The following ATG16L1 variants were observed in gnomAD, a reference collection of about 807,000 sequenced individuals.
ATG16L1 encodes autophagy-related protein 16-1.
In ATG16L1, 37 loss-of-function variants were observed where a neutral mutation model predicts 88.5. The observed-to-expected ratio is 0.42, with a 90% CI of 0.32 to 0.55. The LOEUF is 0.55. Among genes scored for constraint, ATG16L1 ranks in the 20% least tolerant of loss-of-function variants. The pLI, the probability that ATG16L1 is intolerant of heterozygous loss-of-function variation, is 0.13. For synonymous variants in ATG16L1, 301 were observed against 281.0 expected (o/e 1.07, Z -0.71); for missense variants, 554 against 752.8 (o/e 0.74, Z 3.09).
chr2:233,292,492 AT>A, intron 16 of ATG16L1, 58 bp downstream of exon 16: 1 of 1,606,736 alleles, frequency 6.2e-7, no homozygotes. Flanking sequence ...CTGCATGGGC[AT>A]TTTCCCACTG....
At chr2:233,274,020 ATTC>A (rs551897739) in intron 8 of ATG16L1, 87 of 1,550,568 alleles carry the variant, frequency 5.6e-5, no homozygotes, top group Non-Finnish European at 6.8e-5. Context: ...TTGGGACATC[ATTC>A]TTCTTCTGAT....
At chr2:233,287,287 G>A (rs1294903501) in intron 12 of ATG16L1, among the ~76,000 whole-genome samples, 1 of 152,208 alleles carries the variant, frequency 6.6e-6, no homozygotes, top group Non-Finnish European at 1.5e-5. Flanking sequence ...GCTTAAAAGA[G>A]TAATGGATAA....
chr2:233,289,680 C>T (rs993478470), intron 12 of ATG16L1, among the ~76,000 whole-genome samples, 174 bp from the exon 13 acceptor site: 1 of 152,202 alleles, frequency 6.6e-6, no homozygotes, highest in African/African-American at 2.4e-5. Context: ...GCGTGAGTCA[C>T]TGTGCCTGAC....
chr2:233,263,286 G>C (rs770632538), intron 3 of ATG16L1, 51 bp downstream of exon 3: 1 of 1,538,872 alleles, frequency 6.5e-7, no homozygotes, highest in Non-Finnish European at 8.9e-7. Context: ...TGAGAGTCCT[G>C]TGGGGAGCGG....
Position 233,277,600 on chromosome 2 carries a change from G to T in ATG16L1, c.987G>T (p.Gln329His), listed in dbSNP as rs746275841. The change falls in exon 10 of 18, where the codon CAG (glutamine) becomes CAT (histidine). Residue 329 changes from glutamine to histidine, a missense_variant. By Grantham distance (24) the Gln-to-His change is conservative. Transcript: ENST00000392017. Reference protein sequence around the residue: ...DAHDGEVNAVQFSPGSRLLAT... With the variant: ...DAHDGEVNAVHFSPGSRLLAT... ...ATGATGGGGAAGTCAACGCTGTGCA[G>T]TTCAGTCCAGGTTCCCGGTTACTGG... 3.1e-6 allele frequency: 5 copies of T among 1,614,120 alleles called. No homozygotes were observed. The Admixed American group carries it at 8.3e-5, about 27-fold the overall frequency.
intron 6 of ATG16L1, among the ~76,000 whole-genome samples, chr2:233,271,889 C>T (rs12105072): frequency 0.02 from 3,097 of 152,232 alleles, 122 homozygotes; most frequent in African/African-American, 0.071. Context: ...CTTTTTCTTT[C>T]GACCTGCCTT....
intron 15 of ATG16L1, 52 bp from the exon 16 acceptor site, chr2:233,292,335 G>T: frequency 6.2e-7 from 1 of 1,614,150 alleles, no homozygotes; most frequent in Non-Finnish European, 8.5e-7. Flanking sequence ...CTCTCTTAAC[G>T]TGCTGCGTGG....
At chr2:233,289,645 G>T (rs1699326489) in intron 12 of ATG16L1, among the ~76,000 whole-genome samples, 1 of 152,156 alleles carries the variant, frequency 6.6e-6, no homozygotes, top group Non-Finnish European at 1.5e-5. Flanking sequence ...TCACACCTTG[G>T]CCTCCCAGTG....
intron 10 of ATG16L1, among the ~76,000 whole-genome samples, chr2:233,279,051 A>G (rs1698556597): frequency 6.6e-6 from 1 of 152,174 alleles, no homozygotes; most frequent in Non-Finnish European, 1.5e-5. Context: ...GTTGGCATGC[A>G]CTTGCAGTCC....
intron 12 of ATG16L1, among the ~76,000 whole-genome samples, chr2:233,285,434 T>A (rs920027184): frequency 2.0e-5 from 3 of 152,130 alleles, no homozygotes; most frequent in African/African-American, 7.2e-5. Context: ...CAGATGAAGG[T>A]CATAACATTG....
chr2:233,266,758 A>C (rs1697620607), intron 5 of ATG16L1, among the ~76,000 whole-genome samples: 1 of 152,242 alleles, frequency 6.6e-6, no homozygotes, highest in African/African-American at 2.4e-5. Context: ...ATGGATAAAG[A>C]AAATGTGCTG....
Position 233,292,219 on chromosome 2 carries a change from C to T in ATG16L1, c.1522C>T (p.Arg508Cys), listed in dbSNP as rs1053953803. Reference sequence around the variant, plus strand: ...AAGGACTGAGCTCCTGAGCTGCTCCCGTGATGACTTGCTAAAAGTTATTGA... The same window carrying T: ...AAGGACTGAGCTCCTGAGCTGCTCCTGTGATGACTTGCTAAAAGTTATTGA... Reference protein sequence around the residue: ...PERTELLSCSRDDLLKVIDLR... With the variant: ...PERTELLSCSCDDLLKVIDLR... The change falls in exon 15 of 18, where the codon CGT (arginine) becomes TGT (cysteine). Residue 508 changes from arginine (R) to cysteine (C), a missense_variant. Physicochemically the swap from Arg to Cys is radical, Grantham distance 180. Coordinates refer to ENST00000392017, the MANE Select transcript of ATG16L1 (RefSeq NM_030803.7). 5 of 1,614,214 alleles carry T rather than the reference C, an allele frequency of 3.1e-6. No individual in the cohort carries two copies. The highest frequency in any genetic ancestry group is 1.3e-5 in the African/African-American group (1 of 75,058).
intron 9 of ATG16L1, chr2:233,275,901 C>T (rs1220779700): frequency 1.9e-6 from 1 of 519,194 alleles, no homozygotes; most frequent in Admixed American, 1.9e-5. Flanking sequence ...GAGTGATCGG[C>T]TCACAGCTGA....
chr2:233,263,124 A>G lies in ATG16L1; in HGVS notation c.210-6A>G, dbSNP rs749849942. On this transcript the variant is annotated splice_region_variant and splice_polypyrimidine_tract_variant and intron_variant, in intron 2 of 17. Transcript: ENST00000392017. The stretch of plus-strand genomic sequence containing the variant: ...TTCTCTTCATCTGCCTGGTTTGCCA[A>G]TTTAGTCCCGGACATGATGGCACAT... The G allele has an allele frequency of 3.7e-6, 6 of 1,613,680 alleles. No individual in the cohort carries two copies. The highest frequency in any genetic ancestry group is 1.1e-5 in the South Asian group (1 of 91,028).
chr2:233,269,947 C>T lies in ATG16L1; in HGVS notation c.642-55C>T, dbSNP rs142074657. ...GGTGGCTTCTAGAGAGCCCAAACCC[C>T]GTGCTTTCTTAAGCAGACATAAATG... On this transcript the variant is annotated intron_variant, in intron 5 of 17. Transcript: ENST00000392017. 5.4e-3 allele frequency: 8,348 copies of T among 1,540,486 alleles called. 23 individuals carry two copies. Among genetic ancestry groups the T allele is most frequent in the Non-Finnish European group, 6.6e-3 (7,583 of 1,150,044 alleles).
intron 10 of ATG16L1, 39 bp from the exon 11 acceptor site, chr2:233,281,066 T>C (rs1698688602): frequency 7.1e-7 from 1 of 1,399,948 alleles, no homozygotes; most frequent in East Asian, 2.3e-5. Context: ...ATTGGCTTTA[T>C]TTAACTTCCC....
chr2:233,282,286 G>C (rs1164818185), intron 11 of ATG16L1, among the ~76,000 whole-genome samples: 2 of 152,156 alleles, frequency 1.3e-5, no homozygotes, highest in Non-Finnish European at 2.9e-5. Flanking sequence ...AGAGGACCAG[G>C]CTCGACACAT....
At chr2:233,279,013 A>G (rs963997296) in intron 10 of ATG16L1, among the ~76,000 whole-genome samples, 10 of 152,124 alleles carry the variant, frequency 6.6e-5, no homozygotes, top group African/African-American at 2.4e-4. Context: ...TGCCTCTACA[A>G]AAAAAATATT....
intron 12 of ATG16L1, among the ~76,000 whole-genome samples, chr2:233,286,610 A>AG (rs1699093423): frequency 7.1e-6 from 1 of 141,182 alleles, no homozygotes; most frequent in African/African-American, 2.7e-5. Flanking sequence ...TAAGGTGAGC[A>AG]GAAGCCCAAA....
Sources: gnomAD v4.1 joint callset for allele counts (sites outside exome capture counted in the v4.1 genomes callset) on GRCh38, gnomAD v4.1.1 for gene constraint, MANE v1.5 for transcripts, NCBI Gene and HGNC (gene_info 2026-07-23, HGNC 2026-07-21) for gene names.